Variants in KCNIP4 observed in about 807,000 individuals in gnomAD.
KCNIP4 encodes the protein potassium voltage-gated channel interacting protein 4.
In KCNIP4, 12 loss-of-function variants were observed where a neutral mutation model predicts 34.0. That is an observed-to-expected ratio of 0.35 (90% CI 0.23 to 0.57). The LOEUF (loss-of-function observed/expected upper bound fraction) is 0.57. KCNIP4 is among the 20% of genes least tolerant of loss of function. KCNIP4 has a pLI of 0.83. For missense variants in KCNIP4, 238 were observed against 311.7 expected (o/e 0.76, Z 1.78); for synonymous variants, 124 against 102.2 (o/e 1.21, Z -1.29).
intron 1 of KCNIP4, among the ~76,000 whole-genome samples, chr4:21,720,407 T>C (rs1177225811): frequency 6.6e-6 from 1 of 152,214 alleles, no homozygotes; most frequent in African/African-American, 2.4e-5. Context: ...CTCTGCCTTC[T>C]TGATTTTCAT....
At chr4:21,195,061 G>A (rs1297443597) in intron 1 of KCNIP4, among the ~76,000 whole-genome samples, 1 of 152,130 alleles carries the variant, frequency 6.6e-6, no homozygotes, top group Non-Finnish European at 1.5e-5. Context: ...CCTTAATGAA[G>A]TCATTTCTCC....
chr4:21,396,095 G>C (rs1233810464), intron 1 of KCNIP4, among the ~76,000 whole-genome samples: 15 of 150,672 alleles, frequency 1.0e-4, no homozygotes, highest in Admixed American at 9.9e-4. Context: ...AGACTATGTA[G>C]AGTCTCCTAT....
At chr4:21,897,001 A>T (rs1384027617) in intron 1 of KCNIP4, among the ~76,000 whole-genome samples, 1 of 151,882 alleles carries the variant, frequency 6.6e-6, no homozygotes, top group African/African-American at 2.4e-5. Flanking sequence ...ACATGCTTAT[A>T]TTTGTTTATA....
At chr4:21,868,414 A>G (rs1055789682) in intron 1 of KCNIP4, among the ~76,000 whole-genome samples, 1 of 152,242 alleles carries the variant, frequency 6.6e-6, no homozygotes, top group Non-Finnish European at 1.5e-5. Flanking sequence ...GAGGTTGTAT[A>G]GGCTTAGAGT....
intron 4 of KCNIP4, chr4:20,752,954 T>C (rs573243943): frequency 6.6e-6 from 1 of 152,226 alleles, no homozygotes; most frequent in African/African-American, 2.4e-5. Context: ...TTAAAAGATA[T>C]AACAATGATC....
intron 1 of KCNIP4, among the ~76,000 whole-genome samples, chr4:21,223,839 A>G (rs1414951972): frequency 6.6e-6 from 1 of 151,976 alleles, no homozygotes; most frequent in Non-Finnish European, 1.5e-5. Flanking sequence ...TTGACTGTTT[A>G]GTTCATCTGC....
chr4:21,611,932 T>C (rs924742254), intron 1 of KCNIP4, among the ~76,000 whole-genome samples: 2 of 152,190 alleles, frequency 1.3e-5, no homozygotes, highest in Admixed American at 6.5e-5. Flanking sequence ...CTCAGTAAGA[T>C]AAACTTAGAG....
intron 1 of KCNIP4, among the ~76,000 whole-genome samples, chr4:20,986,987 C>T (rs1338691792): frequency 2.0e-5 from 3 of 152,062 alleles, no homozygotes; most frequent in Admixed American, 6.6e-5. Flanking sequence ...CCCAAGTATG[C>T]GGGGGCTCTT....
Position 21,169,660 on chromosome 4 carries a change from T to TTGTGTGTG in KCNIP4, c.62-286959_62-286952dup, listed in dbSNP as rs58544791. 7.1e-3 allele frequency among the ~76,000 whole-genome samples: 965 copies of TTGTGTGTG among 136,188 alleles called. 11 individuals are homozygous for TTGTGTGTG. The highest frequency in any genetic ancestry group is 0.015 in the Middle Eastern group (4 of 264). 89.3% of individuals were successfully genotyped at this position (136,188 alleles called of 152,430 possible). A position where few individuals can be genotyped will look rare whatever the true frequency, so the allele number is the denominator to read the frequency against. On this transcript the variant is annotated intron_variant, in intron 1 of 8. Transcript: ENST00000382152. The stretch of plus-strand genomic sequence containing the variant: ...ATATGTATGTAGTCATACTTTATAT[T>TTGTGTGTG]TGTGTGTGTGTGTGTGTGTGTGTGT...
intron 1 of KCNIP4, among the ~76,000 whole-genome samples, chr4:21,890,761 C>T (rs1052132082): frequency 6.6e-6 from 1 of 152,062 alleles, no homozygotes; most frequent in Non-Finnish European, 1.5e-5. Flanking sequence ...AGAGAACTGT[C>T]TTTCCTCTTG....
intron 1 of KCNIP4, among the ~76,000 whole-genome samples, chr4:21,066,767 T>C (rs982370316): frequency 3.3e-5 from 5 of 152,152 alleles, no homozygotes; most frequent in Admixed American, 1.3e-4. Flanking sequence ...CCTGCCACCA[T>C]GGGCAAAAGG....
chr4:21,126,681 G>A (rs1750649461), intron 1 of KCNIP4, among the ~76,000 whole-genome samples: 1 of 148,984 alleles, frequency 6.7e-6, no homozygotes, highest in Non-Finnish European at 1.5e-5. Context: ...TTAGTGAAGA[G>A]AAATAAGAGT....
intron 1 of KCNIP4, among the ~76,000 whole-genome samples, chr4:21,173,879 T>A (rs920019194): frequency 6.6e-6 from 1 of 152,206 alleles, no homozygotes; most frequent in Non-Finnish European, 1.5e-5. Flanking sequence ...AGAATACTTC[T>A]CGCCCAGCTG....
chr4:21,188,850 G>GC (rs1755433767), intron 1 of KCNIP4, among the ~76,000 whole-genome samples: 1 of 152,144 alleles, frequency 6.6e-6, no homozygotes, highest in African/African-American at 2.4e-5. Context: ...CAGGGGTCCT[G>GC]CCTGTTCACC....
At chr4:21,728,142 C>A (rs1485196866) in intron 1 of KCNIP4, among the ~76,000 whole-genome samples, 1 of 152,118 alleles carries the variant, frequency 6.6e-6, no homozygotes, top group Non-Finnish European at 1.5e-5. Context: ...AAATTTAAAT[C>A]TCCAGCCTGA....
intron 1 of KCNIP4, chr4:21,729,729 A>T (rs1031764801): frequency 1.2e-4 from 13 of 112,902 alleles, no homozygotes; most frequent in African/African-American, 5.5e-4. Context: ...TAATCAAGAA[A>T]CTAAGTTGAC....
At chr4:21,514,778 A>T (rs1734618851) in intron 1 of KCNIP4, among the ~76,000 whole-genome samples, 1 of 152,146 alleles carries the variant, frequency 6.6e-6, no homozygotes, top group African/African-American at 2.4e-5. Flanking sequence ...ATTTGCCCTC[A>T]CCTCTCACAA....
intron 1 of KCNIP4, among the ~76,000 whole-genome samples, chr4:21,804,605 C>A (rs1020017825): frequency 6.6e-6 from 1 of 152,202 alleles, no homozygotes; most frequent in Non-Finnish European, 1.5e-5. Context: ...TAACATTTCA[C>A]CTGCTCAAAT....
At chr4:21,122,206 G>A in intron 1 of KCNIP4, among the ~76,000 whole-genome samples, 1 of 143,304 alleles carries the variant, frequency 7.0e-6, no homozygotes, top group Admixed American at 7.1e-5. Context: ...TACACATTTT[G>A]AAAATCAATA....
Sources: gnomAD v4.1 joint callset for allele counts (sites outside exome capture counted in the v4.1 genomes callset) on GRCh38, gnomAD v4.1.1 for gene constraint, MANE v1.5 for transcripts, NCBI Gene and HGNC (gene_info 2026-07-23, HGNC 2026-07-21) for gene names.